KIAA0513: variants seen among roughly 807,000 people sequenced by gnomAD.
KIAA0513 encodes the protein KIAA0513, also known as uncharacterized protein KIAA0513.
Under a neutral mutation model 56.5 loss-of-function variants are expected in KIAA0513, and 39 were observed. The ratio of observed to expected loss-of-function variants is 0.69; its 90% CI spans 0.53 to 0.90. The LOEUF is 0.90. KIAA0513 is among the 40% of genes least tolerant of loss of function. The pLI, the probability that KIAA0513 is intolerant of heterozygous loss-of-function variation, is 0.00. For missense variants in KIAA0513, 591 were observed against 535.2 expected (o/e 1.10, Z -1.03); for synonymous variants, 268 against 215.6 (o/e 1.24, Z -2.13).
chr16:85,069,944 C>T (rs976097141), intron 2 of KIAA0513, among the ~76,000 whole-genome samples: 6 of 151,482 alleles, frequency 4.0e-5, no homozygotes, highest in Non-Finnish European at 8.8e-5. Context: ...GCGGGCAGGT[C>T]GCTTGAGCCC....
chr16:85,060,809 A>T (rs988138416), intron 1 of KIAA0513, among the ~76,000 whole-genome samples: 14 of 151,208 alleles, frequency 9.3e-5, no homozygotes, highest in Non-Finnish European at 1.9e-4. Flanking sequence ...GCACCACTCT[A>T]CTTCAGCCTG....
intron 8 of KIAA0513, among the ~76,000 whole-genome samples, chr16:85,079,924 G>T (rs1037795426): frequency 3.3e-5 from 5 of 152,128 alleles, no homozygotes; most frequent in Non-Finnish European, 7.4e-5. Flanking sequence ...GTCGTGCTGC[G>T]TTAATCTCTC....
rs534545431 is a variant in KIAA0513, at chr16:85,092,900, A to T, written c.*4575A>T. On this transcript the variant is annotated 3_prime_UTR_variant, in exon 13 of 13. Coordinates refer to ENST00000683363, the MANE Select transcript of KIAA0513 (RefSeq NM_001388359.1). ...TGTTGGTGCCTGAGACACCAAATGGAAGAAGCACATCAAGACTGTTCTCCT... is the reference window on the plus strand; with the variant it reads ...TGTTGGTGCCTGAGACACCAAATGGTAGAAGCACATCAAGACTGTTCTCCT... The T allele has an allele frequency of 3.3e-5, 5 of 152,298 alleles. No individual in the cohort carries two copies. Among genetic ancestry groups the T allele is most frequent in the African/African-American group, 7.2e-5 (3 of 41,572 alleles). The allele number at this position is 152,298 out of a possible 1,614,324, so 9.4% of individuals were successfully genotyped here.
intron 1 of KIAA0513, among the ~76,000 whole-genome samples, chr16:85,066,428 C>T (rs11644136): frequency 0.052 from 7,918 of 152,152 alleles, 240 homozygotes; most frequent in Middle Eastern, 0.082. Context: ...TGTGACAGTC[C>T]GGGAATGCTT....
intron 1 of KIAA0513, among the ~76,000 whole-genome samples, chr16:85,065,832 C>T (rs925539093): frequency 2.6e-5 from 4 of 152,176 alleles, no homozygotes; most frequent in African/African-American, 9.7e-5. Flanking sequence ...ACCTTCTAAA[C>T]CAGCAGTCAG....
At chr16:85,084,365 C>T (rs1377273809) in intron 10 of KIAA0513, among the ~76,000 whole-genome samples, 1 of 151,302 alleles carries the variant, frequency 6.6e-6, no homozygotes, top group Non-Finnish European at 1.5e-5. Flanking sequence ...CCTGCCTCAG[C>T]CTCCCGAGTA....
intron 8 of KIAA0513, chr16:85,079,899 G>C (rs924559717): frequency 1.3e-5 from 2 of 152,248 alleles, no homozygotes; most frequent in African/African-American, 4.8e-5. Context: ...ATATGGCCTG[G>C]CTCCGCAGAT....
chr16:85,073,404 G>A (rs7185844), intron 4 of KIAA0513, among the ~76,000 whole-genome samples: 40,282 of 152,180 alleles, frequency 0.26, 5,613 homozygotes, highest in Middle Eastern at 0.34. Flanking sequence ...TGGGAGGACT[G>A]TAGCTTTCCC....
At chr16:85,067,452 G>T in intron 2 of KIAA0513, 52 bp downstream of exon 2, 1 of 1,409,562 alleles carries the variant, frequency 7.1e-7, no homozygotes, top group South Asian at 1.3e-5. Flanking sequence ...GGGCCCAAGG[G>T]GACTCGCCTC....
chr16:85,061,169 A>C (rs1032994074), intron 1 of KIAA0513, among the ~76,000 whole-genome samples: 4 of 152,212 alleles, frequency 2.6e-5, no homozygotes, highest in Admixed American at 2.6e-4. Flanking sequence ...AAAAAAAAAA[A>C]AGAAAGAAAA....
chr16:85,057,973 G>T (rs1597613678), intron 1 of KIAA0513, among the ~76,000 whole-genome samples: 1 of 152,120 alleles, frequency 6.6e-6, no homozygotes, highest in East Asian at 1.9e-4. Context: ...CTCCCCACAG[G>T]AGTAGCCCCT....
Position 85,064,155 on chromosome 16 carries a change from G to A in KIAA0513, c.-172-2745G>A, listed in dbSNP as rs138905300. Among the ~76,000 whole-genome samples, 256 of 151,886 alleles carry A rather than the reference G, an allele frequency of 1.7e-3. 2 individuals are homozygous for A. Among genetic ancestry groups the A allele is most frequent in the Middle Eastern group, 3.4e-3 (1 of 294 alleles). ...CGAGTGTTTAGGATTACAGGCGTGC[G>A]CCACCATGCCTGGCTAATTTTTGTA... On this transcript the variant is annotated intron_variant, in intron 1 of 12. Transcript: ENST00000683363.
intron 12 of KIAA0513, 94 bp from the exon 13 acceptor site, chr16:85,088,182 G>A: frequency 8.8e-7 from 1 of 1,141,764 alleles, no homozygotes; most frequent in South Asian, 1.3e-5. Context: ...CTCCCAGGGA[G>A]GCCCGATTCG....
chr16:85,088,449 G>A lies in KIAA0513; in HGVS notation c.*124G>A. On this transcript the variant is annotated 3_prime_UTR_variant, in exon 13 of 13. Transcript: ENST00000683363. ...AGCAGCACCCAGAGCCACTCCTGCT[G>A]CCCTAGAACTAGCGGTTAGAAGAAT... The A allele has an allele frequency of 1.3e-6, 1 of 752,394 alleles. No individual in the cohort carries two copies. The highest frequency in any genetic ancestry group is 2.3e-6 in the Non-Finnish European group (1 of 440,034). 46.6% of individuals were successfully genotyped at this position (752,394 alleles called of 1,614,324 possible).
chr16:85,068,154 C>G (rs1341768829), intron 2 of KIAA0513, among the ~76,000 whole-genome samples: 1 of 149,490 alleles, frequency 6.7e-6, no homozygotes, highest in African/African-American at 2.5e-5. Flanking sequence ...GAATTTTATC[C>G]ACGCATTCTT....
At chr16:85,085,374 C>T (rs1435893336) in intron 10 of KIAA0513, among the ~76,000 whole-genome samples, 1 of 152,200 alleles carries the variant, frequency 6.6e-6, no homozygotes, top group Non-Finnish European at 1.5e-5. Flanking sequence ...CAGGGGGTGG[C>T]GAGGAGCCAG....
chr16:85,033,056 G>A (rs2072987828), intron 1 of KIAA0513, among the ~76,000 whole-genome samples: 1 of 152,194 alleles, frequency 6.6e-6, no homozygotes, highest in South Asian at 2.1e-4. Context: ...GCATCAAGAT[G>A]CAGTGATGTT....
At chr16:85,036,291 A>G (rs1490970597) in intron 1 of KIAA0513, among the ~76,000 whole-genome samples, 1 of 152,172 alleles carries the variant, frequency 6.6e-6, no homozygotes, top group Non-Finnish European at 1.5e-5. Flanking sequence ...GAATGTTTCC[A>G]TCACTCCATC....
intron 1 of KIAA0513, among the ~76,000 whole-genome samples, chr16:85,042,435 G>A (rs2073116094): frequency 6.6e-6 from 1 of 152,138 alleles, no homozygotes; most frequent in African/African-American, 2.4e-5. Flanking sequence ...CAAATAGGGG[G>A]CAGGGTCCTT....
Sources: gnomAD v4.1 joint callset for allele counts (sites outside exome capture counted in the v4.1 genomes callset) on GRCh38, gnomAD v4.1.1 for gene constraint, MANE v1.5 for transcripts, NCBI Gene and HGNC (gene_info 2026-07-23, HGNC 2026-07-21) for gene names.